Variants in IQSEC1 observed in about 807,000 individuals in gnomAD.
The protein encoded by IQSEC1 is IQ motif and Sec7 domain ArfGEF 1, also known as IQ motif and SEC7 domain-containing protein 1.
Under a neutral mutation model 91.0 loss-of-function variants are expected in IQSEC1, and 31 were observed. The observed-to-expected ratio is 0.34, with a 90% CI of 0.26 to 0.46. The LOEUF is 0.46. Among genes scored for constraint, IQSEC1 ranks in the 20% least tolerant of loss-of-function variants. The pLI is 1.00. For missense variants in IQSEC1, 1,388 were observed against 1,575.6 expected (o/e 0.88, Z 2.02); for synonymous variants, 699 against 662.6 (o/e 1.05, Z -0.84).
Position 12,906,882 on chromosome 3 carries a change from G to C in IQSEC1, c.2755+1467C>G, listed in dbSNP as rs536279010. The stretch of plus-strand genomic sequence containing the variant: ...ACTCAAACGGAGGCTCTAGCCCACA[G>C]CCTGCAGAGGCCCAAAGCAGTCCAG... On this transcript the variant is annotated intron_variant, in intron 12 of 13. Transcript: ENST00000613206. 6.6e-5 allele frequency among the ~76,000 whole-genome samples: 10 copies of C among 152,330 alleles called. No homozygotes were observed. In the South Asian group the frequency reaches 2.1e-3, roughly 32 times the overall value.
In IQSEC1 at chr3:12,901,206, T is replaced by C; in HGVS notation, c.3122A>G (p.His1041Arg). 1 of 1,545,302 alleles carries C rather than the reference T, an allele frequency of 6.5e-7. No homozygotes were observed. The highest frequency in any genetic ancestry group is 1.2e-5 in the South Asian group (1 of 83,684). The change falls in exon 14 of 14, where the codon CAC (histidine) becomes CGC (arginine). Residue 1041 changes from histidine to arginine, a missense_variant. His to Arg is a conservative substitution (Grantham distance 29, BLOSUM62 0). Coordinates refer to ENST00000613206, the MANE Select transcript of IQSEC1 (RefSeq NM_001134382.3). Reference sequence around the variant, plus strand: ...GGGTGGGTGGTGGTGGTGGTGATGGTGGTACGGGGGAGGGTTCTGCATGTG... The same window carrying C: ...GGGTGGGTGGTGGTGGTGGTGATGGCGGTACGGGGGAGGGTTCTGCATGTG... Reference protein sequence around the residue: ...YCHMQNPPPYHHHHHHHPPQH... With the variant: ...YCHMQNPPPYRHHHHHHPPQH...
rs1017648419 is a variant in IQSEC1 at position 12,992,515 on chromosome 3, T to G, written c.24-50650A>C. ...GGGAGGGTGACGAGAAAGCTATTCC[T>G]GTGTCACCTTAATTCAGAATTGTTC... is the stretch of plus-strand genomic sequence containing the variant. On this transcript the variant is annotated intron_variant, in intron 1 of 13. Coordinates refer to ENST00000613206, the MANE Select transcript of IQSEC1 (RefSeq NM_001134382.3). This position sits in a 1 kb window ranked among gnomAD's most constrained non-coding sequence, Gnocchi z 4.1. Among the ~76,000 whole-genome samples the G allele has an allele frequency of 6.6e-6, 1 of 152,214 alleles. No homozygotes were observed. The highest frequency in any genetic ancestry group is 1.5e-5 in the Non-Finnish European group (1 of 68,024).
intron 2 of IQSEC1, among the ~76,000 whole-genome samples, chr3:13,162,933 A>C: frequency 7.7e-6 from 1 of 130,542 alleles, no homozygotes; most frequent in East Asian, 2.3e-4. Context: ...CACTCTTGCC[A>C]GCCCAAGTGC....
Position 12,901,214 on chromosome 3 carries a change from G to A in IQSEC1, c.3114C>T (p.Pro1038=). Reference sequence around the variant, plus strand: ...GGTGGTGGTGGTGATGGTGGTACGGGGGAGGGTTCTGCATGTGGCAGTACT... The same window carrying A: ...GGTGGTGGTGGTGATGGTGGTACGGAGGAGGGTTCTGCATGTGGCAGTACT... The part of the protein sequence containing the change: ...HTQYCHMQNP[P]PYHHHHHHHP... The change falls in exon 14 of 14, where the codon CCC becomes CCT. Residue 1038 remains proline (P), a synonymous_variant. Coordinates refer to ENST00000613206, the MANE Select transcript of IQSEC1 (RefSeq NM_001134382.3). The A allele has an allele frequency of 6.5e-7, 1 of 1,547,724 alleles. No individual in the cohort carries two copies. Among genetic ancestry groups the A allele is most frequent in the Non-Finnish European group, 8.7e-7 (1 of 1,145,826 alleles).
intron 2 of IQSEC1, among the ~76,000 whole-genome samples, chr3:13,089,812 T>C (rs1044399270): frequency 6.6e-6 from 1 of 152,020 alleles, no homozygotes. Flanking sequence ...TGCGAATGGG[T>C]ATGGAGTTTC....
At chr3:12,946,355 TGGGCTACATGCAGACCAA>T (rs1699180892) in intron 1 of IQSEC1, among the ~76,000 whole-genome samples, 1 of 152,238 alleles carries the variant, frequency 6.6e-6, no homozygotes, top group Non-Finnish European at 1.5e-5. Context: ...CTCAGACACC[TGGGCTACATGCAGACCAA>T]GGAATGGGCC....
intron 2 of IQSEC1, among the ~76,000 whole-genome samples, chr3:13,115,519 A>G (rs1218032999): frequency 6.6e-6 from 1 of 152,176 alleles, no homozygotes; most frequent in Non-Finnish European, 1.5e-5. Context: ...GCACTTTACC[A>G]TGGTGGCCAT....
chr3:13,030,597 T>C (rs1341011023), intron 1 of IQSEC1, among the ~76,000 whole-genome samples: 1 of 152,228 alleles, frequency 6.6e-6, no homozygotes, highest in Non-Finnish European at 1.5e-5. Context: ...TAATCCTGAA[T>C]GTGGGACATG....
chr3:12,994,219 C>T lies in IQSEC1; in HGVS notation c.24-52354G>A, dbSNP rs560718129. On this transcript the variant is annotated intron_variant, in intron 1 of 13. Transcript: ENST00000613206. This position sits in a 1 kb window ranked among gnomAD's most constrained non-coding sequence, Gnocchi z 4.5. ...CCGGAGCCCGAGCCCGATACCAGCG[C>T]CACCGGCGGGGCGGCCTCCCCGCGC... is the stretch of plus-strand genomic sequence containing the variant. Among the ~76,000 whole-genome samples, 614 of 149,270 alleles carry T rather than the reference C, an allele frequency of 4.1e-3. 3 individuals carry two copies. The highest frequency in any genetic ancestry group is 6.8e-3 in the Non-Finnish European group (456 of 66,934).
upstream of IQSEC1, among the ~76,000 whole-genome samples, chr3:13,076,302 C>T (rs949278476): frequency 2.0e-5 from 3 of 152,202 alleles, no homozygotes; most frequent in African/African-American, 7.2e-5. Context: ...CACCCCTGCC[C>T]TTGCCTCATC....
chr3:12,940,201 C>T lies in IQSEC1; in HGVS notation c.318+1370G>A, dbSNP rs1179801717. ...TTGCTCTGCCCTGTGTCGGTCCGGC[C>T]TAAGTTGCAAGGCAGCACCGACAGC... On this transcript the variant is annotated intron_variant, in intron 2 of 13. Coordinates refer to ENST00000613206, the MANE Select transcript of IQSEC1 (RefSeq NM_001134382.3). The surrounding 1 kb of genome is among the most constrained non-coding windows in gnomAD (Gnocchi z 4.4). Among the ~76,000 whole-genome samples the T allele has an allele frequency of 6.6e-6, 1 of 151,994 alleles. No individual in the cohort carries two copies. The highest frequency in any genetic ancestry group is 1.5e-5 in the Non-Finnish European group (1 of 67,992).
chr3:13,196,745 T>C (rs964279750), intron 1 of IQSEC1, among the ~76,000 whole-genome samples: 1 of 114,880 alleles, frequency 8.7e-6, no homozygotes, highest in African/African-American at 3.3e-5. Context: ...TGTACATGTG[T>C]GTGCGTGTGT....
At chr3:13,097,264 T>C (rs1200450196) in intron 2 of IQSEC1, among the ~76,000 whole-genome samples, 5 of 152,138 alleles carry the variant, frequency 3.3e-5, no homozygotes, top group Non-Finnish European at 5.9e-5. Flanking sequence ...AGAGGGAAGG[T>C]ACCTTGCCTC....
At chr3:12,926,246 G>A (rs1161319646) in intron 3 of IQSEC1, among the ~76,000 whole-genome samples, 1 of 151,682 alleles carries the variant, frequency 6.6e-6, no homozygotes, top group Non-Finnish European at 1.5e-5. Flanking sequence ...GGAGGCGCAG[G>A]TTACGGTGAG....
intron 1 of IQSEC1, among the ~76,000 whole-genome samples, chr3:13,046,044 A>G (rs1704481076): frequency 6.6e-6 from 1 of 152,332 alleles, no homozygotes; most frequent in South Asian, 2.1e-4. Flanking sequence ...TGCAATGGGC[A>G]TATGAGGAAC....
intron 1 of IQSEC1, among the ~76,000 whole-genome samples, chr3:13,058,494 A>G (rs935224565): frequency 6.6e-6 from 1 of 152,176 alleles, no homozygotes; most frequent in African/African-American, 2.4e-5. Context: ...CACAGGAGCA[A>G]GCTGGGGTTC....
Position 13,151,234 on chromosome 3 carries a change from T to C in IQSEC1, c.302+12870A>G, listed in dbSNP as rs528765053. 3.9e-4 allele frequency among the ~76,000 whole-genome samples: 60 copies of C among 152,310 alleles called. 1 individual carries two copies. Among genetic ancestry groups the C allele is most frequent in the African/African-American group, 1.4e-3 (58 of 41,570 alleles). On this transcript the variant is annotated intron_variant, in intron 2 of 15. Transcript: ENST00000648114. ...CACCTAACGTCAGGTATTGGGCTTC[T>C]CTAAGAGAGAGGTGGACGATGCTAT...
chr3:13,231,304 CAT>C (rs1189938432), intron 1 of IQSEC1, among the ~76,000 whole-genome samples: 8 of 152,178 alleles, frequency 5.3e-5, no homozygotes, highest in African/African-American at 9.7e-5. Context: ...CGTGTGCACA[CAT>C]GTGTGCATCT....
intron 1 of IQSEC1, among the ~76,000 whole-genome samples, chr3:12,984,482 A>G (rs1323992974): frequency 6.6e-6 from 1 of 152,124 alleles, no homozygotes; most frequent in African/African-American, 2.4e-5. Context: ...GTATCTGTAC[A>G]TTTGGGAGTG....
Sources: allele counts gnomAD v4.1 joint callset (sites outside exome capture counted in the v4.1 genomes callset), GRCh38; gene constraint gnomAD v4.1.1; non-coding constraint Gnocchi (gnomAD v3.1); transcripts MANE v1.5; gene names NCBI Gene and HGNC (gene_info 2026-07-23, HGNC 2026-07-21).